PTPRN2: variants seen among roughly 807,000 people sequenced by gnomAD.
The protein encoded by PTPRN2 is receptor-type tyrosine-protein phosphatase N2.
PTPRN2 carries 74 observed loss-of-function variants against 118.8 expected under a neutral mutation model. The ratio of observed to expected loss-of-function variants is 0.62; its 90% confidence interval spans 0.52 to 0.76. The LOEUF (loss-of-function observed/expected upper bound fraction) is 0.76, where lower values mean the gene tolerates loss of function less well. Ranked by LOEUF, PTPRN2 falls within the 30% of genes least tolerant of loss-of-function variation. The probability of loss-of-function intolerance (pLI) is 0.00; values close to 1 mark genes in which losing one functional copy is unlikely to be tolerated. For missense variants in PTPRN2, 1,481 were observed against 1,394.4 expected (o/e 1.06, Z -0.99); for synonymous variants, 641 against 608.0 (o/e 1.05, Z -0.80).
chr7:157,547,180 G>A (rs901799983), intron 22 of PTPRN2, among the ~76,000 whole-genome samples: 4 of 152,156 alleles, frequency 2.6e-5, no homozygotes, highest in African/African-American at 9.7e-5. Context: ...GTGGAGTCAC[G>A]AACACACCTG....
intron 5 of PTPRN2, among the ~76,000 whole-genome samples, chr7:158,171,484 G>T (rs1463264040): frequency 6.6e-6 from 1 of 151,546 alleles, no homozygotes; most frequent in Non-Finnish European, 1.5e-5. Context: ...GAGCAGCTGG[G>T]ATTACAGGCA....
At chr7:158,008,148 TG>T in intron 11 of PTPRN2, among the ~76,000 whole-genome samples, 1 of 6,486 alleles carries the variant, frequency 1.5e-4, no homozygotes, top group Non-Finnish European at 5.2e-4. Context: ...CATGTGTGAG[TG>T]TGTGTGGGTG....
At chr7:157,991,843 C>T (rs1464513222) in intron 11 of PTPRN2, among the ~76,000 whole-genome samples, 1 of 152,194 alleles carries the variant, frequency 6.6e-6, no homozygotes, top group Non-Finnish European at 1.5e-5. Context: ...AGGACGAGGC[C>T]AAGGGCACCT....
rs567957982 is a variant in PTPRN2 at position 157,794,493 on chromosome 7, TGAAAATAG to T, written c.1788+104172_1788+104179del. ...AAGCTTCACTGCTTTCGGATAAGTA[TGAAAATAG>T]GCTCTCCCTCTCTGAGTCAAAGGAG... On this transcript the variant is annotated intron_variant, in intron 12 of 22. Transcript: ENST00000389418. The surrounding 1 kb of genome is among the most constrained non-coding windows in gnomAD (Gnocchi z 5.2). 2.0e-4 allele frequency among the ~76,000 whole-genome samples: 30 copies of T among 152,340 alleles called. No homozygotes were observed. Among genetic ancestry groups the T allele is most frequent in the East Asian group, 1.9e-3 (10 of 5,186 alleles).
intron 2 of PTPRN2, among the ~76,000 whole-genome samples, chr7:158,335,581 C>T (rs1294260831): frequency 5.2e-5 from 1 of 19,254 alleles, no homozygotes; most frequent in Non-Finnish European, 1.2e-4. Flanking sequence ...AGCTGAGGCC[C>T]ACAGAGGACA....
At chr7:157,940,531 C>T (rs1799990185) in intron 11 of PTPRN2, among the ~76,000 whole-genome samples, 2 of 149,148 alleles carry the variant, frequency 1.3e-5, no homozygotes, top group South Asian at 4.2e-4. Flanking sequence ...CTCATACCCT[C>T]CCCTGTGACA....
chr7:158,398,513 C>A (rs1812699494), intron 2 of PTPRN2, among the ~76,000 whole-genome samples: 1 of 152,220 alleles, frequency 6.6e-6, no homozygotes, highest in Non-Finnish European at 1.5e-5. Flanking sequence ...AAAGTACATT[C>A]TTTGTTCTGT....
At chr7:158,487,510 A>G (rs1181825428) in intron 2 of PTPRN2, among the ~76,000 whole-genome samples, 2 of 152,106 alleles carry the variant, frequency 1.3e-5, no homozygotes, top group South Asian at 2.1e-4. Context: ...CTTTCTTTTT[A>G]TTAATAACCT....
chr7:158,342,490 CACTCAAACCCACACTCTCACCATAA>C (rs1807091992), intron 2 of PTPRN2, among the ~76,000 whole-genome samples: 2 of 83,556 alleles, frequency 2.4e-5, no homozygotes, highest in African/African-American at 1.1e-4. Context: ...CTGCAGACGT[CACTCAAACCCACACTCTCACCATAA>C]GAGCTGACAC....
rs571767366 is a variant in PTPRN2 at position 158,478,109 on chromosome 7, G to A, written c.163+11626C>T. 4.1e-4 allele frequency among the ~76,000 whole-genome samples: 63 copies of A among 152,384 alleles called. 1 individual carries two copies. In the South Asian group the frequency reaches 0.013, roughly 31 times the overall value. ...GCTGCAGAGTCACCACGGAGCGTGG[G>A]ACAGGCACGGCGGCAAAGAGAGTGG... On this transcript the variant is annotated intron_variant, in intron 2 of 22. Coordinates refer to ENST00000389418, the MANE Select transcript of PTPRN2 (RefSeq NM_002847.5).
intron 12 of PTPRN2, among the ~76,000 whole-genome samples, chr7:157,749,856 G>T (rs1292131486): frequency 2.1e-5 from 3 of 145,932 alleles, no homozygotes; most frequent in East Asian, 4.2e-4. Context: ...GGCTGTTGAG[G>T]TGATTCTGAG....
At chr7:157,562,468 A>G (rs1422688261) in intron 21 of PTPRN2, among the ~76,000 whole-genome samples, 3 of 152,180 alleles carry the variant, frequency 2.0e-5, no homozygotes, top group African/African-American at 7.2e-5. Flanking sequence ...TCATGCAGCT[A>G]GTACAACTGA....
intron 12 of PTPRN2, among the ~76,000 whole-genome samples, chr7:157,818,733 A>G (rs1806599152): frequency 1.3e-5 from 2 of 151,480 alleles, no homozygotes; most frequent in East Asian, 1.9e-4. Context: ...AATTATTAGG[A>G]AGATTAAATG....
chr7:158,192,010 A>G (rs1825806090), intron 5 of PTPRN2, among the ~76,000 whole-genome samples: 2 of 152,194 alleles, frequency 1.3e-5, no homozygotes, highest in South Asian at 4.1e-4. Flanking sequence ...GGTGAAGAGC[A>G]GCCACCTATC....
chr7:158,238,143 G>A (rs944606260), intron 3 of PTPRN2, among the ~76,000 whole-genome samples: 4 of 151,950 alleles, frequency 2.6e-5, no homozygotes, highest in Non-Finnish European at 4.4e-5. Context: ...AGTCACGCCC[G>A]TGTCCGGCTC....
chr7:158,341,006 A>G (rs1467368880), intron 2 of PTPRN2, among the ~76,000 whole-genome samples: 24 of 50,578 alleles, frequency 4.7e-4, no homozygotes, highest in South Asian at 1.2e-3. Flanking sequence ...AAGAGGTGAA[A>G]CCTGCAGACG....
At chr7:157,774,868 A>G (rs1279456800) in intron 12 of PTPRN2, among the ~76,000 whole-genome samples, 1 of 152,218 alleles carries the variant, frequency 6.6e-6, no homozygotes, top group Non-Finnish European at 1.5e-5. Flanking sequence ...AGGAACCATG[A>G]GGACAAGTCA....
intron 2 of PTPRN2, among the ~76,000 whole-genome samples, chr7:158,466,886 T>G (rs953770342): frequency 6.6e-6 from 1 of 152,048 alleles, no homozygotes; most frequent in Non-Finnish European, 1.5e-5. Flanking sequence ...ACTAAAAATA[T>G]AAAAATTAGC....
At chr7:158,519,062 C>G (rs1053844223) in intron 1 of PTPRN2, among the ~76,000 whole-genome samples, 1 of 152,186 alleles carries the variant, frequency 6.6e-6, no homozygotes, top group Non-Finnish European at 1.5e-5. Flanking sequence ...ACTGAGCTCC[C>G]TTTATGCCAA....
Sources: allele counts gnomAD v4.1 joint callset (sites outside exome capture counted in the v4.1 genomes callset), GRCh38; gene constraint gnomAD v4.1.1; non-coding constraint Gnocchi (gnomAD v3.1); transcripts MANE v1.5; gene names NCBI Gene and HGNC (gene_info 2026-07-23, HGNC 2026-07-21).